Variants in TFAP2E observed in about 807,000 individuals in gnomAD.
The protein encoded by TFAP2E is transcription factor AP-2 epsilon.
In TFAP2E, 30 loss-of-function variants were observed where a neutral mutation model predicts 37.9. The observed-to-expected ratio is 0.79, with a 90% confidence interval of 0.59 to 1.07. TFAP2E has a LOEUF of 1.07. Ranked by LOEUF, TFAP2E falls within the 50% of genes least tolerant of loss-of-function variation. TFAP2E has a pLI of 0.00. For synonymous variants in TFAP2E, 318 were observed against 295.8 expected (o/e 1.08, Z -0.77); for missense variants, 567 against 637.9 (o/e 0.89, Z 1.20).
chr1:35,586,682 G>T (rs551717501), intron 3 of TFAP2E, among the ~76,000 whole-genome samples: 1 of 152,186 alleles, frequency 6.6e-6, no homozygotes, highest in African/African-American at 2.4e-5. Flanking sequence ...GATGGATGGG[G>T]TGTGGTGATG....
chr1:35,582,514 T>G (rs956880622), intron 3 of TFAP2E, among the ~76,000 whole-genome samples: 7 of 151,504 alleles, frequency 4.6e-5, no homozygotes, highest in African/African-American at 1.2e-4. Context: ...TTATCTTTTT[T>G]TTTTTTTTCA....
chr1:35,594,811 G>C lies in TFAP2E; in HGVS notation c.*135G>C, dbSNP rs56747189. The stretch of plus-strand genomic sequence containing the variant: ...AGAGAACATTCATCCAGAGATCCCA[G>C]AGTTGGGGATCTGGCTTGGAGTAAG... On this transcript the variant is annotated 3_prime_UTR_variant, in exon 7 of 7. Transcript: ENST00000373235. 5,817 of 1,357,118 alleles carry C rather than the reference G, an allele frequency of 4.3e-3. 208 individuals are homozygous for C. The African/African-American group carries it at 0.077, about 18-fold the overall frequency. 84.1% of individuals were successfully genotyped at this position (1,357,118 alleles called of 1,614,324 possible).
chr1:35,592,541 G>C (rs1649718287), intron 6 of TFAP2E, among the ~76,000 whole-genome samples: 1 of 152,084 alleles, frequency 6.6e-6, no homozygotes, highest in Non-Finnish European at 1.5e-5. Context: ...GGGATTACAG[G>C]TGCCTGCCAC....
At chr1:35,587,043 G>A (rs1054685050) in intron 3 of TFAP2E, among the ~76,000 whole-genome samples, 2 of 152,170 alleles carry the variant, frequency 1.3e-5, no homozygotes, top group Non-Finnish European at 2.9e-5. Context: ...ATAGTGATAA[G>A]TGTAGCCCCT....
intron 6 of TFAP2E, 31 bp from the exon 7 acceptor site, chr1:35,594,363 C>T: frequency 6.2e-7 from 1 of 1,601,544 alleles, no homozygotes; most frequent in Non-Finnish European, 8.5e-7. Context: ...GACTTTTGTC[C>T]TCCAACCTCT....
chr1:35,575,521 CTGTG>C (rs1649144347), intron 3 of TFAP2E, among the ~76,000 whole-genome samples: 1 of 152,282 alleles, frequency 6.6e-6, no homozygotes, highest in African/African-American at 2.4e-5. Context: ...TGTGTGAGTA[CTGTG>C]TGTTAGGCTG....
In TFAP2E at chr1:35,574,104, G is replaced by A. The variant is rs1373704848; in HGVS notation, c.205G>A (p.Ala69Thr). 1 of 1,466,542 alleles carries A rather than the reference G, an allele frequency of 6.8e-7. No individual in the cohort carries two copies. Among genetic ancestry groups the A allele is most frequent in the Non-Finnish European group, 9.0e-7 (1 of 1,112,010 alleles). The allele number at this position is 1,466,542 out of a possible 1,614,324, so 90.8% of individuals were successfully genotyped here. ...GCAGCCACCGCTGCCCTACGGTCAGGCGCCCGACGCCGCCGCAGCCTTTCC... is the reference window on the plus strand; with the variant it reads ...GCAGCCACCGCTGCCCTACGGTCAGACGCCCGACGCCGCCGCAGCCTTTCC... Reference protein sequence around the residue: ...YPQPPLPYGQAPDAAAAFPHL... With the variant: ...YPQPPLPYGQTPDAAAAFPHL... Residue 69 changes from alanine to threonine, a missense_variant, in exon 2 of 7, where the codon GCG becomes ACG. Physicochemically the swap from Ala to Thr is moderately conservative, Grantham distance 58. Transcript: ENST00000373235.
In TFAP2E at chr1:35,577,687, C is replaced by G. The variant is rs1185006689; in HGVS notation, c.562+2687C>G. The G allele has an allele frequency of 6.5e-6, 2 of 308,246 alleles. No homozygotes were observed. The highest frequency in any genetic ancestry group is 1.3e-5 in the Non-Finnish European group (2 of 151,992). The allele number at this position is 308,246 out of a possible 1,614,324, so 19.1% of individuals were successfully genotyped here. A position where few individuals can be genotyped will look rare whatever the true frequency, so the allele number is the denominator to read the frequency against. The stretch of plus-strand genomic sequence containing the variant: ...GGTGGGCGTTCTCGGGCTTCGACTT[C>G]GCCAGCGCCGCGGGGCAGAGGCACC... On this transcript the variant is annotated intron_variant, in intron 3 of 6. Coordinates refer to ENST00000373235, the MANE Select transcript of TFAP2E (RefSeq NM_178548.4). The surrounding 1 kb of genome is among the most constrained non-coding windows in gnomAD (Gnocchi z 6.3).
In TFAP2E at chr1:35,581,754, T is replaced by G. The variant is rs534714632; in HGVS notation, c.563-6576T>G. Among the ~76,000 whole-genome samples the G allele has an allele frequency of 2.0e-5, 3 of 152,050 alleles. No individual in the cohort carries two copies. In the South Asian group the frequency reaches 6.2e-4, roughly 32 times the overall value. On this transcript the variant is annotated intron_variant, in intron 3 of 6. Coordinates refer to ENST00000373235, the MANE Select transcript of TFAP2E (RefSeq NM_178548.4). ...CGTCCGGCTAATTTTGTTTTTTTAG[T>G]AGAGACGGGGTTTCTCCATGTTAGT... is the stretch of plus-strand genomic sequence containing the variant.
At chr1:35,592,484 A>G (rs182022338) in intron 6 of TFAP2E, among the ~76,000 whole-genome samples, 379 of 152,244 alleles carry the variant, frequency 2.5e-3, no homozygotes, top group African/African-American at 8.7e-3. Context: ...TGCAACCTCC[A>G]GCTCCTGGGT....
At position 35,573,701 on chromosome 1, in the gene TFAP2E, G is replaced by C. The variant is rs1295797492; in HGVS notation, c.27+97G>C. The C allele has an allele frequency of 1.3e-6, 2 of 1,489,574 alleles. No homozygotes were observed. The highest frequency in any genetic ancestry group is 2.7e-5 in the East Asian group (1 of 36,810). 92.3% of individuals were successfully genotyped at this position (1,489,574 alleles called of 1,614,324 possible). A position where few individuals can be genotyped will look rare whatever the true frequency, so the allele number is the denominator to read the frequency against. On this transcript the variant is annotated intron_variant, in intron 1 of 6. Transcript: ENST00000373235. This position sits in a 1 kb window ranked among gnomAD's most constrained non-coding sequence, Gnocchi z 5.9. ...TCCTGTCCCGCGCTAACGAAATCTC[G>C]GAGGGAGGGGGCCGCAGGGACTTCG... is the stretch of plus-strand genomic sequence containing the variant.
intron 3 of TFAP2E, among the ~76,000 whole-genome samples, chr1:35,580,087 G>A (rs1419205397): frequency 1.3e-5 from 2 of 152,104 alleles, no homozygotes; most frequent in Non-Finnish European, 2.9e-5. Context: ...GTGCACGCCT[G>A]TAGTCCCAGC....
At position 35,573,444 on chromosome 1, in the gene TFAP2E, C is replaced by T. The variant is rs374821839; in HGVS notation, c.-134C>T. 1.9e-5 allele frequency: 23 copies of T among 1,231,136 alleles called. No individual in the cohort carries two copies. The highest frequency in any genetic ancestry group is 9.6e-5 in the African/African-American group (6 of 62,202). 76.3% of individuals were successfully genotyped at this position (1,231,136 alleles called of 1,614,324 possible). A position where few individuals can be genotyped will look rare whatever the true frequency, so the allele number is the denominator to read the frequency against. On this transcript the variant is annotated 5_prime_UTR_variant, in exon 1 of 7. Transcript: ENST00000373235. This position sits in a 1 kb window ranked among gnomAD's most constrained non-coding sequence, Gnocchi z 5.9. Reference sequence around the variant, plus strand: ...GAGGACCCCACGCCCACTAGGATCCCGGCTGGGTCGCACCCAGCTACCGCA... The same window carrying T: ...GAGGACCCCACGCCCACTAGGATCCTGGCTGGGTCGCACCCAGCTACCGCA...
In TFAP2E at chr1:35,573,939, G is replaced by T. The variant is rs760680245; in HGVS notation, c.40G>T (p.Gly14Trp). ...TCTCCTTCCCCAGGAGCGCCCCGAC[G>T]GGCTGGGAGCAGCTGCCGGCGGGGC... ...HTYSAMERPD[G>W]LGAAAGGARL... is the part of the protein sequence containing the mutation. The change falls in exon 2 of 7, where the codon GGG becomes TGG. Residue 14 changes from glycine (G) to tryptophan (W), a missense_variant. Around this residue, in one of 3 missense-constraint regions of TFAP2E, gnomAD observed 312 missense variants for 317.4 expected, o/e 0.98. Coordinates refer to ENST00000373235, the MANE Select transcript of TFAP2E (RefSeq NM_178548.4). This position sits in a 1 kb window ranked among gnomAD's most constrained non-coding sequence, Gnocchi z 5.9. The T allele has an allele frequency of 1.4e-6, 2 of 1,457,548 alleles. No homozygotes were observed. The highest frequency in any genetic ancestry group is 2.7e-5 in the East Asian group (1 of 36,372). 90.3% of individuals were successfully genotyped at this position (1,457,548 alleles called of 1,614,324 possible). A position where few individuals can be genotyped will look rare whatever the true frequency, so the allele number is the denominator to read the frequency against.
At chr1:35,574,458 A>AC in intron 2 of TFAP2E, 49 bp downstream of exon 2, 2 of 1,359,378 alleles carry the variant, frequency 1.5e-6, no homozygotes, top group South Asian at 3.5e-5. Flanking sequence ...GCGGTGGTTT[A>AC]CTACCATGGC....
In TFAP2E at chr1:35,590,957, G is replaced by A. The variant is rs1339442299; in HGVS notation, c.1046+182G>A. On this transcript the variant is annotated intron_variant, in intron 6 of 6. Transcript: ENST00000373235. This position sits in a 1 kb window ranked among gnomAD's most constrained non-coding sequence, Gnocchi z 6.2. Reference sequence around the variant, plus strand: ...GCGCACCACTGTGTACATCAGCAGTGAGCACACACGTATGTGTGCGCCACT... The same window carrying A: ...GCGCACCACTGTGTACATCAGCAGTAAGCACACACGTATGTGTGCGCCACT... Among the ~76,000 whole-genome samples, 5 of 152,176 alleles carry A rather than the reference G, an allele frequency of 3.3e-5. No individual in the cohort carries two copies. Among genetic ancestry groups the A allele is most frequent in the African/African-American group, 1.2e-4 (5 of 41,500 alleles).
intron 3 of TFAP2E, among the ~76,000 whole-genome samples, chr1:35,587,653 A>AAAGAAAGAAAG (rs1553121946): frequency 4.5e-4 from 67 of 147,774 alleles, no homozygotes; most frequent in African/African-American, 1.6e-3. Flanking sequence ...AAAAAAAAAA[A>AAAGAAAGAAAG]AAAGAAAGAA....
Position 35,573,541 on chromosome 1 carries a change from G to C in TFAP2E, c.-37G>C. 6.6e-7 allele frequency: 1 copy of C among 1,510,990 alleles called. No homozygotes were observed. The allele number at this position is 1,510,990 out of a possible 1,614,324, so 93.6% of individuals were successfully genotyped here. The stretch of plus-strand genomic sequence containing the variant: ...GCGCTCGCCGTCGGGCTAGGGCTCC[G>C]CCGCCGCCACGCCTCGCGCCCGGCA... On this transcript the variant is annotated 5_prime_UTR_variant, in exon 1 of 7. Coordinates refer to ENST00000373235, the MANE Select transcript of TFAP2E (RefSeq NM_178548.4). This position sits in a 1 kb window ranked among gnomAD's most constrained non-coding sequence, Gnocchi z 5.9.
Position 35,577,568 on chromosome 1 carries a change from C to T in TFAP2E, c.562+2568C>T, listed in dbSNP as rs761352646. The T allele has an allele frequency of 7.8e-6, 3 of 383,034 alleles. No individual in the cohort carries two copies. Among genetic ancestry groups the T allele is most frequent in the Non-Finnish European group, 1.6e-5 (3 of 184,862 alleles). 23.7% of individuals were successfully genotyped at this position (383,034 alleles called of 1,614,324 possible). On this transcript the variant is annotated intron_variant, in intron 3 of 6. Coordinates refer to ENST00000373235, the MANE Select transcript of TFAP2E (RefSeq NM_178548.4). The surrounding 1 kb of genome is among the most constrained non-coding windows in gnomAD (Gnocchi z 6.3). ...CAGTGCCTCCCAGCCTGGGCGGGAGCGGCGGCTGCGTCGCTGAAGGTTGGG... is the reference window on the plus strand; with the variant it reads ...CAGTGCCTCCCAGCCTGGGCGGGAGTGGCGGCTGCGTCGCTGAAGGTTGGG...
Sources: allele counts gnomAD v4.1 joint callset (sites outside exome capture counted in the v4.1 genomes callset), GRCh38; gene constraint gnomAD v4.1.1; regional missense constraint gnomAD v4.1.1; non-coding constraint Gnocchi (gnomAD v3.1); transcripts MANE v1.5; gene names NCBI Gene and HGNC (gene_info 2026-07-23, HGNC 2026-07-21).